Variants in FTCDNL1 observed in about 807,000 individuals in gnomAD.
The protein encoded by FTCDNL1 is formiminotransferase cyclodeaminase N-terminal like.
FTCDNL1 carries 11 observed loss-of-function variants against 5.9 expected under a neutral mutation model. The ratio of observed to expected loss-of-function variants is 1.87; its 90% CI spans 1.18 to 3.10. FTCDNL1 has a LOEUF of 3.10. Among genes scored for constraint, FTCDNL1 ranks in the 30% most tolerant of loss-of-function variants. The probability of loss-of-function intolerance (pLI) is 0.00; values close to 1 mark genes in which losing one functional copy is unlikely to be tolerated. For synonymous variants in FTCDNL1, 58 were observed against 24.8 expected, an observed-to-expected ratio of 2.34 and a Z score of -3.99; for missense variants, 115 against 65.5, an observed-to-expected ratio of 1.76 and a Z score of -2.61.
chr2:199,808,944 G>A (rs924037076), downstream of FTCDNL1, among the ~76,000 whole-genome samples: 1 of 152,088 alleles, frequency 6.6e-6, no homozygotes, highest in African/African-American at 2.4e-5. Flanking sequence ...GGGCCACACA[G>A]CCTCCGCCAA....
chr2:199,840,114 G>T (rs1292456294), intron 3 of FTCDNL1, among the ~76,000 whole-genome samples: 1 of 152,178 alleles, frequency 6.6e-6, no homozygotes, highest in Non-Finnish European at 1.5e-5. Flanking sequence ...ACTGGAACAG[G>T]TCAGAGTATT....
chr2:199,749,424 A>G, the FTCDNL1 span, among the ~76,000 whole-genome samples: 43 of 152,234 alleles, frequency 2.8e-4, no homozygotes, highest in Non-Finnish European at 2.9e-4. Context: ...TGGACCACTA[A>G]CCCACCAGCC....
At chr2:199,825,883 A>G (rs1358180073) in intron 3 of FTCDNL1, among the ~76,000 whole-genome samples, 2 of 152,196 alleles carry the variant, frequency 1.3e-5, no homozygotes, top group African/African-American at 2.4e-5. Context: ...TCAAATCTAC[A>G]ATGGTTGAGG....
intron 3 of FTCDNL1, among the ~76,000 whole-genome samples, chr2:199,837,882 C>T (rs1702864886): frequency 6.6e-6 from 1 of 152,048 alleles, no homozygotes; most frequent in African/African-American, 2.4e-5. Context: ...TGACATGAAA[C>T]AAAAAGCAAG....
At chr2:199,832,729 C>T (rs1292502913) in intron 3 of FTCDNL1, among the ~76,000 whole-genome samples, 1 of 152,066 alleles carries the variant, frequency 6.6e-6, no homozygotes, top group Non-Finnish European at 1.5e-5. Flanking sequence ...CTGCTCTGTA[C>T]CCCCTCCACA....
At chr2:199,700,969 T>C in the FTCDNL1 span, among the ~76,000 whole-genome samples, 1 of 152,042 alleles carries the variant, frequency 6.6e-6, no homozygotes, top group Non-Finnish European at 1.5e-5. Flanking sequence ...TAATTTTACA[T>C]AAACACACTC....
chr2:199,776,795 G>C (rs1235161641), intron 3 of FTCDNL1, among the ~76,000 whole-genome samples: 1 of 152,084 alleles, frequency 6.6e-6, no homozygotes, highest in Non-Finnish European at 1.5e-5. Flanking sequence ...GTATACTCCA[G>C]AGAAACAGAA....
At chr2:199,778,534 T>C (rs1699204250) in intron 3 of FTCDNL1, among the ~76,000 whole-genome samples, 1 of 152,162 alleles carries the variant, frequency 6.6e-6, no homozygotes, top group South Asian at 2.1e-4. Context: ...TAGGAGACTT[T>C]AATTCCTCCT....
At chr2:199,762,069 G>A (rs1018854059) in intron 3 of FTCDNL1, among the ~76,000 whole-genome samples, 6 of 152,104 alleles carry the variant, frequency 3.9e-5, no homozygotes, top group African/African-American at 1.4e-4. Flanking sequence ...AAACAATCTT[G>A]TAATGTTTTA....
chr2:199,790,033 A>T (rs1321319206), intron 3 of FTCDNL1, among the ~76,000 whole-genome samples: 1 of 152,158 alleles, frequency 6.6e-6, no homozygotes, highest in Non-Finnish European at 1.5e-5. Flanking sequence ...ATGTAATGTC[A>T]TTTTGATTAG....
At chr2:199,709,352 C>T in the FTCDNL1 span, among the ~76,000 whole-genome samples, 1 of 152,062 alleles carries the variant, frequency 6.6e-6, no homozygotes, top group Non-Finnish European at 1.5e-5. Flanking sequence ...TCCTTTTAAC[C>T]CAGGGCAGCC....
rs560396438 is a variant in FTCDNL1 at position 199,847,311 on chromosome 2, T to C, written c.116-1141A>G. Among the ~76,000 whole-genome samples the C allele has an allele frequency of 4.3e-3, 662 of 152,316 alleles. 4 individuals carry two copies. Among genetic ancestry groups the C allele is most frequent in the African/African-American group, 0.015 (632 of 41,572 alleles). On this transcript the variant is annotated intron_variant, in intron 2 of 4. Transcript: ENST00000420128. ...AAAAAAGGTTCATTTTCTTAACTAG[T>C]GCTACCTTCCTTGCATTTTGAAAAC...
the FTCDNL1 span, among the ~76,000 whole-genome samples, chr2:199,670,793 G>A: frequency 6.6e-6 from 1 of 152,168 alleles, no homozygotes; most frequent in African/African-American, 2.4e-5. Context: ...CACAGGCAGA[G>A]TCAGTAGACT....
chr2:199,727,134 C>G, the FTCDNL1 span, among the ~76,000 whole-genome samples: 1 of 152,302 alleles, frequency 6.6e-6, no homozygotes, highest in South Asian at 2.1e-4. Flanking sequence ...GAAGGCCCCA[C>G]TGGTGAGGAG....
the FTCDNL1 span, among the ~76,000 whole-genome samples, chr2:199,697,707 A>T: frequency 6.6e-6 from 1 of 152,218 alleles, no homozygotes; most frequent in Non-Finnish European, 1.5e-5. Flanking sequence ...TGACACTATA[A>T]AGTAATTACA....
At chr2:199,818,927 G>A (rs957603057) in intron 4 of FTCDNL1, 1 of 152,240 alleles carries the variant, frequency 6.6e-6, no homozygotes, top group Non-Finnish European at 1.5e-5. Flanking sequence ...CAACAGAGAG[G>A]AGTTCCACCT....
At chr2:199,791,696 T>C (rs1032492395) in intron 3 of FTCDNL1, among the ~76,000 whole-genome samples, 3 of 152,204 alleles carry the variant, frequency 2.0e-5, no homozygotes, top group Non-Finnish European at 2.9e-5. Context: ...TAAATCCATA[T>C]AATGTTATGC....
exon 4 of FTCDNL1, chr2:199,760,602 C>A: frequency 2.0e-6 from 1 of 511,096 alleles, no homozygotes; most frequent in Non-Finnish European, 3.5e-6. Flanking sequence ...TTAAAAGATA[C>A]ATGGGGAAAC....
chr2:199,819,821 A>G, intron 3 of FTCDNL1, 64 bp from the exon 4 acceptor site: 2 of 657,776 alleles, frequency 3.0e-6, no homozygotes, highest in Non-Finnish European at 5.5e-6. Flanking sequence ...AAACCAAAGC[A>G]TATAATTTTT....
Sources: allele counts gnomAD v4.1 joint callset (sites outside exome capture counted in the v4.1 genomes callset), GRCh38; gene constraint gnomAD v4.1.1; transcripts MANE v1.5; gene names NCBI Gene and HGNC (gene_info 2026-07-23, HGNC 2026-07-21).